Variants in DLGAP1 observed in about 807,000 individuals in gnomAD.
DLGAP1 encodes the protein disks large-associated protein 1.
A neutral mutation model predicts 90.8 loss-of-function variants in DLGAP1; 11 were observed. The observed-to-expected ratio is 0.12, with a 90% confidence interval of 0.08 to 0.20. The LOEUF (loss-of-function observed/expected upper bound fraction) is 0.20. Ranked by LOEUF, DLGAP1 falls within the 10% of genes least tolerant of loss-of-function variation. DLGAP1 has a pLI of 1.00. For missense variants in DLGAP1, 1,050 were observed against 1,333.8 expected (o/e 0.79, Z 3.31); for synonymous variants, 558 against 540.7 (o/e 1.03, Z -0.44).
chr18:3,567,790 G>A (rs12455601), intron 8 of DLGAP1, among the ~76,000 whole-genome samples: 28,264 of 152,020 alleles, frequency 0.19, 3,906 homozygotes, highest in East Asian at 0.62. Flanking sequence ...CACTCTCAAG[G>A]TAGCTGATAA....
intron 1 of DLGAP1, among the ~76,000 whole-genome samples, chr18:4,331,325 A>G (rs1227776125): frequency 1.3e-5 from 2 of 151,828 alleles, no homozygotes; most frequent in Non-Finnish European, 2.9e-5. Context: ...GACAGCGCTC[A>G]GGACAGAAAC....
At chr18:4,010,996 T>C (rs2074407820) in intron 2 of DLGAP1, among the ~76,000 whole-genome samples, 1 of 151,616 alleles carries the variant, frequency 6.6e-6, no homozygotes, top group Non-Finnish European at 1.5e-5. Context: ...ACTAACATGG[T>C]GAAATCCCGT....
chr18:3,626,466 C>T (rs1039137427), intron 7 of DLGAP1, among the ~76,000 whole-genome samples: 3 of 150,544 alleles, frequency 2.0e-5, no homozygotes, highest in African/African-American at 4.9e-5. Context: ...TGGTGGTGGG[C>T]GTCTGTAGTC....
At position 4,371,641 on chromosome 18, in the gene DLGAP1, T is replaced by C. The variant is rs543712594; in HGVS notation, c.-267+83365A>G. Reference sequence around the variant, plus strand: ...TTGCCTATTCAAATTGGGCTTTATGTATCTAAGTCTATTAGGAATAAAAAT... The same window carrying C: ...TTGCCTATTCAAATTGGGCTTTATGCATCTAAGTCTATTAGGAATAAAAAT... On this transcript the variant is annotated intron_variant, in intron 1 of 12. Transcript: ENST00000315677. Among the ~76,000 whole-genome samples, 5 of 152,346 alleles carry C rather than the reference T, an allele frequency of 3.3e-5. No individual in the cohort carries two copies. The South Asian group carries it at 1.0e-3, about 32-fold the overall frequency.
chr18:3,938,902 A>T (rs1294002515), intron 3 of DLGAP1, among the ~76,000 whole-genome samples: 1 of 152,176 alleles, frequency 6.6e-6, no homozygotes, highest in East Asian at 1.9e-4. Context: ...GCTGGAGGTG[A>T]TTGGGCTTGA....
intron 2 of DLGAP1, among the ~76,000 whole-genome samples, chr18:4,140,851 C>T (rs2076484270): frequency 6.6e-6 from 1 of 151,940 alleles, no homozygotes; most frequent in African/African-American, 2.4e-5. Flanking sequence ...TTAAATATGT[C>T]ATGCCACTCT....
chr18:4,096,965 T>C (rs1187970317), intron 2 of DLGAP1, among the ~76,000 whole-genome samples: 7 of 152,240 alleles, frequency 4.6e-5, no homozygotes, highest in Admixed American at 3.9e-4. Context: ...AAAGTAAACA[T>C]TGTGTAAGTG....
At chr18:3,864,435 A>T (rs747313442) in intron 4 of DLGAP1, among the ~76,000 whole-genome samples, 4 of 152,228 alleles carry the variant, frequency 2.6e-5, no homozygotes, top group Non-Finnish European at 4.4e-5. Flanking sequence ...ACATTGAACC[A>T]AAAGGAAGTG....
rs1487261102 is a variant in DLGAP1 at position 3,747,696 on chromosome 18, T to A, written c.1173-5184A>T. Among the ~76,000 whole-genome samples, 3 of 152,192 alleles carry A rather than the reference T, an allele frequency of 2.0e-5. No individual in the cohort carries two copies. In the East Asian group the frequency reaches 5.8e-4, roughly 29 times the overall value. On this transcript the variant is annotated intron_variant, in intron 5 of 12. Coordinates refer to ENST00000315677, the MANE Select transcript of DLGAP1 (RefSeq NM_004746.4). ...AAATGAGGCATCATTGCAACAATCA[T>A]TCACTCTGGCCACTCGTTATGAAAT...
chr18:3,647,629 C>G (rs989582317), intron 7 of DLGAP1, among the ~76,000 whole-genome samples: 5 of 151,932 alleles, frequency 3.3e-5, no homozygotes, highest in Middle Eastern at 3.4e-3. Flanking sequence ...CCACGCCTGG[C>G]TAATTTTTGT....
chr18:4,043,675 AT>A (rs1334742871), intron 2 of DLGAP1, among the ~76,000 whole-genome samples: 2 of 152,176 alleles, frequency 1.3e-5, no homozygotes, highest in African/African-American at 4.8e-5. Flanking sequence ...GCACCTGAAG[AT>A]TTTATGAATC....
intron 3 of DLGAP1, among the ~76,000 whole-genome samples, chr18:3,968,437 A>G (rs2073374605): frequency 6.6e-6 from 1 of 152,178 alleles, no homozygotes; most frequent in African/African-American, 2.4e-5. Flanking sequence ...GCACTCAACT[A>G]AGACCTGCTG....
intron 7 of DLGAP1, among the ~76,000 whole-genome samples, chr18:3,621,222 G>T (rs1186371158): frequency 6.6e-6 from 1 of 152,126 alleles, no homozygotes; most frequent in Non-Finnish European, 1.5e-5. Flanking sequence ...TCTGTTTCCA[G>T]GCTTGACATA....
intron 6 of DLGAP1, among the ~76,000 whole-genome samples, chr18:3,735,307 C>T (rs2062593759): frequency 2.0e-5 from 3 of 152,232 alleles, no homozygotes; most frequent in African/African-American, 7.2e-5. Context: ...GCAACCTCTG[C>T]CTCCCAGATT....
chr18:3,968,590 C>G (rs2073378069), intron 3 of DLGAP1, among the ~76,000 whole-genome samples: 1 of 152,138 alleles, frequency 6.6e-6, no homozygotes, highest in Admixed American at 6.5e-5. Context: ...GTATTCCTGG[C>G]TTTCAAAAGA....
At chr18:3,811,414 T>C (rs1390814632) in intron 5 of DLGAP1, among the ~76,000 whole-genome samples, 1 of 152,192 alleles carries the variant, frequency 6.6e-6, no homozygotes, top group Non-Finnish European at 1.5e-5. Context: ...ACACTATCCG[T>C]CTTACATAAA....
At chr18:4,009,781 C>T (rs1298979698) in intron 2 of DLGAP1, among the ~76,000 whole-genome samples, 1 of 152,164 alleles carries the variant, frequency 6.6e-6, no homozygotes, top group Non-Finnish European at 1.5e-5. Context: ...ATGACAGCAT[C>T]CACCACCCTC....
At position 4,286,791 on chromosome 18, in the gene DLGAP1, T is replaced by C. The variant is rs531890206; in HGVS notation, c.-266-135504A>G. ...AAATAAGCAAGACAAATGAGGGAAATAATTTTGTTAGGGAGGATCTTAAAA... is the reference window on the plus strand; with the variant it reads ...AAATAAGCAAGACAAATGAGGGAAACAATTTTGTTAGGGAGGATCTTAAAA... On this transcript the variant is annotated intron_variant, in intron 1 of 12. Transcript: ENST00000315677. 2.0e-5 allele frequency among the ~76,000 whole-genome samples: 3 copies of C among 151,998 alleles called. No homozygotes were observed. The South Asian group carries it at 6.2e-4, about 32-fold the overall frequency.
intron 3 of DLGAP1, among the ~76,000 whole-genome samples, chr18:3,973,566 C>G (rs1475126469): frequency 6.6e-6 from 1 of 152,148 alleles, no homozygotes; most frequent in African/African-American, 2.4e-5. Context: ...GTGAGCATCC[C>G]CTAGGGAACA....
Sources: allele counts gnomAD v4.1 joint callset (sites outside exome capture counted in the v4.1 genomes callset), GRCh38; gene constraint gnomAD v4.1.1; transcripts MANE v1.5; gene names NCBI Gene and HGNC (gene_info 2026-07-23, HGNC 2026-07-21).